The following ELAVL2 variants were observed in gnomAD, a reference collection of about 807,000 sequenced individuals.
The protein encoded by ELAVL2 is ELAV-like protein 2.
Under a neutral mutation model 34.6 loss-of-function variants are expected in ELAVL2, and 4 were observed. That is an observed-to-expected ratio of 0.12 (90% confidence interval 0.06 to 0.26). The LOEUF is 0.26. Among genes scored for constraint, ELAVL2 ranks in the 10% least tolerant of loss-of-function variants. The probability of loss-of-function intolerance (pLI) is 1.00; values close to 1 mark genes in which losing one functional copy is unlikely to be tolerated. For missense variants in ELAVL2, 432 were observed against 442.8 expected (o/e 0.98, Z 0.22); for synonymous variants, 193 against 154.8 (o/e 1.25, Z -1.83).
intron 3 of ELAVL2, among the ~76,000 whole-genome samples, chr9:23,711,155 G>T (rs2040838433): frequency 1.3e-5 from 2 of 152,150 alleles, no homozygotes; most frequent in Admixed American, 6.5e-5. Flanking sequence ...AGCAAAGTTA[G>T]AGCTAAAAGA....
chr9:23,818,463 C>G (rs1253027598), intron 1 of ELAVL2, among the ~76,000 whole-genome samples: 1 of 152,138 alleles, frequency 6.6e-6, no homozygotes, highest in Non-Finnish European at 1.5e-5. Flanking sequence ...TAAGTACTCA[C>G]GCCAAAAATA....
At chr9:23,795,576 A>G (rs1201419011) in intron 1 of ELAVL2, among the ~76,000 whole-genome samples, 1 of 152,166 alleles carries the variant, frequency 6.6e-6, no homozygotes, top group Non-Finnish European at 1.5e-5. Flanking sequence ...AAATGGGGAA[A>G]ACAACATTGT....
At chr9:23,758,267 C>T (rs1019692807) in intron 2 of ELAVL2, among the ~76,000 whole-genome samples, 4 of 152,084 alleles carry the variant, frequency 2.6e-5, no homozygotes, top group African/African-American at 4.8e-5. Flanking sequence ...GCTAGAGATA[C>T]ATTAGTACTA....
In ELAVL2 at chr9:23,826,136, T is replaced by C. The variant is rs1037460521; in HGVS notation, c.-346A>G. On this transcript the variant is annotated 5_prime_UTR_variant, in exon 1 of 7. Transcript: ENST00000397312. ...AAAGAAAAGAGACGAAAGAACGTTT[T>C]TTCAAAAAGACGATGTCTTTCTCCT... 5 of 152,336 alleles carry C rather than the reference T, an allele frequency of 3.3e-5. No individual in the cohort carries two copies. The highest frequency in any genetic ancestry group is 1.2e-4 in the African/African-American group (5 of 41,572). The allele number at this position is 152,336 out of a possible 1,614,324, so 9.4% of individuals were successfully genotyped here.
intron 2 of ELAVL2, among the ~76,000 whole-genome samples, chr9:23,734,909 T>C (rs949768928): frequency 3.3e-5 from 5 of 151,844 alleles, no homozygotes; most frequent in African/African-American, 1.2e-4. Context: ...AAACCAAGCA[T>C]CACTTATCCA....
chr9:23,807,568 T>C (rs2062402708), intron 1 of ELAVL2, among the ~76,000 whole-genome samples: 2 of 152,142 alleles, frequency 1.3e-5, no homozygotes, highest in Non-Finnish European at 2.9e-5. Context: ...CAATTCCAAT[T>C]AATATGGTAT....
At chr9:23,699,087 T>A (rs1272003716) in intron 5 of ELAVL2, among the ~76,000 whole-genome samples, 1 of 152,196 alleles carries the variant, frequency 6.6e-6, no homozygotes, top group Admixed American at 6.5e-5. Flanking sequence ...GGAAAAAGAA[T>A]TTTCAAGTTA....
chr9:23,720,876 C>G (rs1459809277), intron 3 of ELAVL2, among the ~76,000 whole-genome samples: 1 of 152,226 alleles, frequency 6.6e-6, no homozygotes, highest in Non-Finnish European at 1.5e-5. Flanking sequence ...TCCTCAGTCT[C>G]TCTCTGCAGA....
chr9:23,798,284 GT>G (rs2061195984), intron 1 of ELAVL2, among the ~76,000 whole-genome samples: 1 of 152,212 alleles, frequency 6.6e-6, no homozygotes, highest in Non-Finnish European at 1.5e-5. Context: ...AAATAATTTA[GT>G]TCTAACACCT....
At chr9:23,705,178 C>T (rs997520617) in intron 3 of ELAVL2, 107 bp from the exon 4 acceptor site, 5 of 1,314,090 alleles carry the variant, frequency 3.8e-6, no homozygotes, top group South Asian at 1.4e-5. Context: ...GCATAGAACA[C>T]TGAAGTTCAA....
chr9:23,723,219 C>T (rs10966044), intron 3 of ELAVL2, among the ~76,000 whole-genome samples: 27,610 of 152,042 alleles, frequency 0.18, 2,651 homozygotes, highest in South Asian at 0.22. Context: ...GGCACATATA[C>T]ACCATGGAAT....
chr9:23,826,697 A>G (rs2065318922), upstream of ELAVL2, among the ~76,000 whole-genome samples: 1 of 152,164 alleles, frequency 6.6e-6, no homozygotes, highest in Non-Finnish European at 1.5e-5. Context: ...TTCCTTTGCC[A>G]TCACTGCTGC....
In ELAVL2 at chr9:23,693,499, C is replaced by T. The variant is rs372344586; in HGVS notation, c.714-13G>A. On this transcript the variant is annotated splice_polypyrimidine_tract_variant and intron_variant, in intron 5 of 6. Coordinates refer to ENST00000397312, the MANE Select transcript of ELAVL2 (RefSeq NM_004432.5). ...CAGATTGTCCAACCTGCAAAACACA[C>T]ATTTAGCAAACTTCAGTTTTTAATT... 3.1e-4 allele frequency: 494 copies of T among 1,613,990 alleles called. No individual in the cohort carries two copies. The highest frequency in any genetic ancestry group is 4.0e-4 in the Non-Finnish European group (472 of 1,179,978).
chr9:23,824,793 C>T (rs1483519676), intron 1 of ELAVL2, among the ~76,000 whole-genome samples: 1 of 152,184 alleles, frequency 6.6e-6, no homozygotes, highest in East Asian at 1.9e-4. Context: ...GCTTGTCATC[C>T]CCAACCATCT....
intron 1 of ELAVL2, among the ~76,000 whole-genome samples, chr9:23,801,153 A>T (rs1364610856): frequency 1.3e-5 from 2 of 152,170 alleles, no homozygotes; most frequent in Non-Finnish European, 2.9e-5. Flanking sequence ...TTCTGTTTGG[A>T]AGTAGGTACA....
At chr9:23,779,101 CAG>C (rs1362029548) in intron 1 of ELAVL2, 15 of 794,462 alleles carry the variant, frequency 1.9e-5, no homozygotes, top group Non-Finnish European at 2.1e-5. Context: ...GGCACTACAC[CAG>C]AAGCCCTTGA....
chr9:23,704,853 C>T, intron 4 of ELAVL2, 65 bp downstream of exon 4: 3 of 1,587,176 alleles, frequency 1.9e-6, no homozygotes, highest in Middle Eastern at 1.7e-4. Context: ...CATGGAAAGA[C>T]AGAATATTTC....
intron 1 of ELAVL2, among the ~76,000 whole-genome samples, chr9:23,822,474 G>T (rs1322690443): frequency 6.6e-6 from 1 of 152,094 alleles, no homozygotes; most frequent in Non-Finnish European, 1.5e-5. Flanking sequence ...CTCAAGACCC[G>T]AAATGGCCAA....
chr9:23,811,200 A>C (rs180984262), intron 1 of ELAVL2, among the ~76,000 whole-genome samples: 1 of 152,042 alleles, frequency 6.6e-6, no homozygotes, highest in Non-Finnish European at 1.5e-5. Context: ...TTGGGAAAAA[A>C]TTTTTTCAAA....
Sources: allele counts gnomAD v4.1 joint callset (sites outside exome capture counted in the v4.1 genomes callset), GRCh38; gene constraint gnomAD v4.1.1; transcripts MANE v1.5; gene names NCBI Gene and HGNC (gene_info 2026-07-23, HGNC 2026-07-21).